PLA2R1: variants seen among roughly 807,000 people sequenced by gnomAD.
PLA2R1 encodes secretory phospholipase A2 receptor.
PLA2R1 carries 158 observed loss-of-function variants against 195.9 expected under a neutral mutation model. The ratio of observed to expected loss-of-function variants is 0.81; its 90% CI spans 0.71 to 0.92. The LOEUF (loss-of-function observed/expected upper bound fraction) is 0.92. Among genes scored for constraint, PLA2R1 ranks in the 40% least tolerant of loss-of-function variants. The pLI is 0.00. For missense variants in PLA2R1, 1,626 were observed against 1,764.6 expected (o/e 0.92, Z 1.41); for synonymous variants, 586 against 598.2 (o/e 0.98, Z 0.30).
intron 1 of PLA2R1, among the ~76,000 whole-genome samples, chr2:160,052,355 GTCC>G (rs1396459790): frequency 6.6e-6 from 1 of 152,148 alleles, no homozygotes; most frequent in African/African-American, 2.4e-5. Flanking sequence ...TCCCTCCTCT[GTCC>G]TCCTGCTCTG....
intron 4 of PLA2R1, among the ~76,000 whole-genome samples, chr2:160,029,927 G>A (rs922955184): frequency 6.6e-6 from 1 of 152,178 alleles, no homozygotes; most frequent in African/African-American, 2.4e-5. Context: ...TCAGACGCAG[G>A]GGTCCTGCCT....
At chr2:160,051,592 C>T (rs1695215689) in intron 1 of PLA2R1, among the ~76,000 whole-genome samples, 1 of 152,182 alleles carries the variant, frequency 6.6e-6, no homozygotes, top group South Asian at 2.1e-4. Context: ...TTTATCTGTT[C>T]CATCTAGTGA....
At chr2:159,942,225 T>C (rs1161888210) in intron 28 of PLA2R1, 66 bp from the exon 29 acceptor site, 1 of 1,237,282 alleles carries the variant, frequency 8.1e-7, no homozygotes, top group Non-Finnish European at 1.2e-6. Flanking sequence ...TGTCATTACT[T>C]ACTCAGGGAT....
intron 17 of PLA2R1, 70 bp downstream of exon 17, chr2:159,975,998 C>G: frequency 9.9e-7 from 1 of 1,008,804 alleles, no homozygotes. Flanking sequence ...AAAACTATCC[C>G]TCCCTCCCTC....
chr2:160,060,663 A>G (rs1330145903), intron 1 of PLA2R1, among the ~76,000 whole-genome samples: 2 of 152,184 alleles, frequency 1.3e-5, no homozygotes, highest in Non-Finnish European at 2.9e-5. Flanking sequence ...CTTGACTACT[A>G]AAAAGAAGGC....
At chr2:159,929,495 A>T (rs1205472106), downstream of PLA2R1, among the ~76,000 whole-genome samples, 1 of 152,138 alleles carries the variant, frequency 6.6e-6, no homozygotes, top group Non-Finnish European at 1.5e-5. Flanking sequence ...AAAAAATATA[A>T]AAAAATAGAT....
downstream of PLA2R1, among the ~76,000 whole-genome samples, chr2:159,928,148 T>C (rs1686526410): frequency 6.6e-6 from 1 of 152,190 alleles, no homozygotes; most frequent in Non-Finnish European, 1.5e-5. Flanking sequence ...GGGGATGCCA[T>C]GCTTTGGCTT....
Position 159,949,615 on chromosome 2 carries a change from CA to C in PLA2R1, c.3701del (p.Val1234GlyfsTer22). 1 of 1,612,896 alleles carries C rather than the reference CA, an allele frequency of 6.2e-7. No homozygotes were observed. Among genetic ancestry groups the C allele is most frequent in the Non-Finnish European group, 8.5e-7 (1 of 1,179,062 alleles). On this transcript the variant is annotated frameshift_variant, in exon 25 of 30. Transcript: ENST00000283243. LOFTEE classifies it high-confidence loss of function. ...GAATAGAATTGAACCTACCAGGTGG[CA>C]CATGACAAATGGCACCTTGCAGAAA... ...ESFLQGAICH[V>X]PPETRQSEHP...
At chr2:160,003,796 T>C (rs1691774267) in intron 11 of PLA2R1, among the ~76,000 whole-genome samples, 2 of 152,170 alleles carry the variant, frequency 1.3e-5, no homozygotes, top group South Asian at 4.1e-4. Context: ...TGTAACACTT[T>C]TGTAGCAGAA....
intron 6 of PLA2R1, among the ~76,000 whole-genome samples, chr2:160,026,671 G>A (rs1693543214): frequency 6.6e-6 from 1 of 152,040 alleles, no homozygotes; most frequent in African/African-American, 2.4e-5. Flanking sequence ...AACGAATCTA[G>A]TTAAACTAAA....
intron 11 of PLA2R1, among the ~76,000 whole-genome samples, chr2:160,002,047 A>G (rs564464716): frequency 6.6e-6 from 1 of 151,880 alleles, no homozygotes; most frequent in South Asian, 2.1e-4. Context: ...TAAAAAGAAC[A>G]CATGCAAGGC....
chr2:159,994,365 G>A (rs192914849), intron 11 of PLA2R1, among the ~76,000 whole-genome samples: 192 of 152,166 alleles, frequency 1.3e-3, no homozygotes, highest in Non-Finnish European at 2.2e-3. Context: ...ACACAGAGAT[G>A]AAAACAGACT....
downstream of PLA2R1, among the ~76,000 whole-genome samples, chr2:159,929,729 T>A (rs1199028772): frequency 6.6e-6 from 1 of 152,146 alleles, no homozygotes; most frequent in East Asian, 1.9e-4. Context: ...CAATTCGCAA[T>A]TGCAAAAATG....
intron 11 of PLA2R1, among the ~76,000 whole-genome samples, chr2:160,003,936 T>C (rs114843928): frequency 0.035 from 5,369 of 152,260 alleles, 117 homozygotes; most frequent in Middle Eastern, 0.095. Flanking sequence ...GAAAGTTCTC[T>C]AAGACAGATT....
intron 20 of PLA2R1, among the ~76,000 whole-genome samples, chr2:159,963,659 T>C (rs1232344632): frequency 6.6e-6 from 1 of 152,096 alleles, no homozygotes; most frequent in African/African-American, 2.4e-5. Context: ...CATCAGATAA[T>C]AGAGAAATGC....
At chr2:159,969,446 T>G (rs1689001111) in intron 18 of PLA2R1, 87 bp from the exon 19 acceptor site, 3 of 705,784 alleles carry the variant, frequency 4.3e-6, no homozygotes, top group Non-Finnish European at 5.0e-6. Context: ...AGGTAGGGAT[T>G]GAAGATATAA....
chr2:160,030,539 A>G (rs566610201), intron 4 of PLA2R1, among the ~76,000 whole-genome samples: 3 of 152,348 alleles, frequency 2.0e-5, no homozygotes, highest in African/African-American at 7.2e-5. Context: ...CCATTGTGCA[A>G]TTGTTTTAAT....
At chr2:159,955,456 T>C (rs1320567302) in intron 22 of PLA2R1, 110 bp from the exon 23 acceptor site, 2 of 682,110 alleles carry the variant, frequency 2.9e-6, no homozygotes, top group Admixed American at 3.5e-5. Flanking sequence ...TATTCCTTTA[T>C]TCGCATTTAA....
At chr2:159,997,556 G>GAT (rs966881712) in intron 11 of PLA2R1, among the ~76,000 whole-genome samples, 10 of 152,090 alleles carry the variant, frequency 6.6e-5, no homozygotes, top group African/African-American at 2.4e-4. Context: ...GTGATAACCT[G>GAT]ATAGATCACC....
Sources: allele counts gnomAD v4.1 joint callset (sites outside exome capture counted in the v4.1 genomes callset), GRCh38; gene constraint gnomAD v4.1.1; transcripts MANE v1.5; gene names NCBI Gene and HGNC (gene_info 2026-07-23, HGNC 2026-07-21).